Variants in KIF24 observed in about 807,000 individuals in gnomAD.
KIF24 encodes kinesin family member 24.
In KIF24, 81 loss-of-function variants were observed where a neutral mutation model predicts 118.9. The ratio of observed to expected loss-of-function variants is 0.68; its 90% CI spans 0.57 to 0.82. KIF24 has a LOEUF of 0.82. KIF24 is among the 40% of genes least tolerant of loss of function. KIF24 has a pLI of 0.00. For synonymous variants in KIF24, 599 were observed against 610.0 expected (o/e 0.98, Z 0.27); for missense variants, 1,560 against 1,661.6 (o/e 0.94, Z 1.06).
At chr9:34,308,787 G>T (rs1267973147) in intron 2 of KIF24, among the ~76,000 whole-genome samples, 3 of 151,988 alleles carry the variant, frequency 2.0e-5, no homozygotes, top group African/African-American at 7.2e-5. Flanking sequence ...TTTTTAAAAA[G>T]CTCTAGTTTG....
chr9:34,320,030 C>T (rs1280951285), intron 1 of KIF24, among the ~76,000 whole-genome samples: 8 of 152,136 alleles, frequency 5.3e-5, no homozygotes, highest in Admixed American at 1.3e-4. Context: ...CTTCTCCTGA[C>T]ACTAAACCAC....
intron 5 of KIF24, among the ~76,000 whole-genome samples, chr9:34,289,078 C>A (rs915111588): frequency 6.6e-6 from 1 of 152,006 alleles, no homozygotes; most frequent in Non-Finnish European, 1.5e-5. Flanking sequence ...AGAGTAGCAC[C>A]CTCTTTTATT....
Position 34,329,239 on chromosome 9 carries a change from A to C in KIF24, c.-159T>G, listed in dbSNP as rs1262886934. Reference sequence around the variant, plus strand: ...CCGGCGGCGGCCAGGCCGCATCTCCATGGCAACGCCGCCAAGCGCCAGTTC... The same window carrying C: ...CCGGCGGCGGCCAGGCCGCATCTCCCTGGCAACGCCGCCAAGCGCCAGTTC... On this transcript the variant is annotated 5_prime_UTR_variant, in exon 1 of 13. An upstream start codon of the reference 5' UTR is lost. Coordinates refer to ENST00000402558, the MANE Select transcript of KIF24 (RefSeq NM_194313.4). Among the ~76,000 whole-genome samples, 1 of 152,236 alleles carries C rather than the reference A, an allele frequency of 6.6e-6. No individual in the cohort carries two copies. The highest frequency in any genetic ancestry group is 2.4e-5 in the African/African-American group (1 of 41,466).
intron 1 of KIF24, 100 bp from the exon 2 acceptor site, chr9:34,311,471 C>G (rs181355712): frequency 1.1e-5 from 6 of 549,930 alleles, no homozygotes; most frequent in Non-Finnish European, 1.8e-5. Flanking sequence ...AACAAACATG[C>G]AAAAAATGTT....
At chr9:34,255,354 G>A (rs1205086917) in intron 11 of KIF24, among the ~76,000 whole-genome samples, 189 bp from the exon 12 acceptor site, 2 of 152,074 alleles carry the variant, frequency 1.3e-5, no homozygotes, top group Non-Finnish European at 2.9e-5. Flanking sequence ...AAGGAATTAC[G>A]GAGTACCAAC....
intron 2 of KIF24, among the ~76,000 whole-genome samples, chr9:34,308,359 C>T (rs1205813739): frequency 6.6e-6 from 1 of 151,606 alleles, no homozygotes; most frequent in Non-Finnish European, 1.5e-5. Flanking sequence ...TCTTGGCTCA[C>T]TGCAACCTCT....
intron 1 of KIF24, among the ~76,000 whole-genome samples, chr9:34,317,657 A>G (rs1350366350): frequency 6.6e-6 from 1 of 152,162 alleles, no homozygotes; most frequent in Non-Finnish European, 1.5e-5. Context: ...CAGCCTATCC[A>G]CACTGCATAA....
chr9:34,319,325 G>C (rs115219939), intron 1 of KIF24: 11 of 911,422 alleles, frequency 1.2e-5, no homozygotes, highest in Non-Finnish European at 1.8e-5. Flanking sequence ...TTGCCCAAGC[G>C]GGTGGTGGAA....
chr9:34,306,739 T>C (rs1441566780), intron 2 of KIF24, among the ~76,000 whole-genome samples: 1 of 152,024 alleles, frequency 6.6e-6, no homozygotes, highest in Non-Finnish European at 1.5e-5. Flanking sequence ...GAGGCAGAGC[T>C]TGCAGTGAGC....
chr9:34,314,311 G>A (rs193253698), intron 1 of KIF24, among the ~76,000 whole-genome samples: 3 of 152,078 alleles, frequency 2.0e-5, no homozygotes, highest in East Asian at 1.9e-4. Context: ...GTACAGGCGC[G>A]CGCCACCACG....
rs1010646327 is a variant in KIF24, at chr9:34,311,456, CACAAA to C, written c.-25-90_-25-86del. The C allele has an allele frequency of 1.8e-5, 12 of 650,674 alleles. No individual in the cohort carries two copies. In the African/African-American group the frequency reaches 2.2e-4, roughly 12 times the overall value. The allele number at this position is 650,674 out of a possible 1,614,324, so 40.3% of individuals were successfully genotyped here. Reference sequence around the variant, plus strand: ...TTTTAAAAATTGAAAACCACAAAACCACAAAACAAACATGCAAAAAATGTTTTATC... The same window carrying C: ...TTTTAAAAATTGAAAACCACAAAACCACAAACATGCAAAAAATGTTTTATC... On this transcript the variant is annotated intron_variant, in intron 1 of 12. Transcript: ENST00000402558.
In KIF24 at chr9:34,283,000, C is replaced by A. The variant is rs118161374; in HGVS notation, c.1215+3617G>T. Among the ~76,000 whole-genome samples the A allele has an allele frequency of 4.3e-3, 624 of 144,046 alleles. 5 individuals are homozygous for A. Among genetic ancestry groups the A allele is most frequent in the Non-Finnish European group, 6.6e-3 (442 of 66,972 alleles). The allele number at this position is 144,046 out of a possible 152,430, so 94.5% of individuals were successfully genotyped here. ...CTGGGAAGCAGAGGTTGCAGTGAAC[C>A]CAGATCGAGCCATTGCACTCCAGCG... On this transcript the variant is annotated intron_variant, in intron 6 of 12. Coordinates refer to ENST00000402558, the MANE Select transcript of KIF24 (RefSeq NM_194313.4).
intron 6 of KIF24, among the ~76,000 whole-genome samples, chr9:34,277,135 A>G (rs543089197): frequency 6.6e-6 from 1 of 152,336 alleles, no homozygotes; most frequent in South Asian, 2.1e-4. Flanking sequence ...GATAAAGAAG[A>G]GAATATATAT....
intron 1 of KIF24, among the ~76,000 whole-genome samples, chr9:34,313,602 A>G (rs759568796): frequency 6.6e-6 from 1 of 151,828 alleles, no homozygotes; most frequent in Admixed American, 6.6e-5. Flanking sequence ...GTGAGCCACC[A>G]TGCCCAGATT....
chr9:34,319,516 G>A (rs771109520), intron 1 of KIF24: 20 of 1,241,590 alleles, frequency 1.6e-5, no homozygotes, highest in Non-Finnish European at 2.1e-5. Context: ...ATCTATGGGA[G>A]CAAGGAGCTG....
At chr9:34,307,684 G>C (rs1836977454) in intron 2 of KIF24, among the ~76,000 whole-genome samples, 1 of 151,804 alleles carries the variant, frequency 6.6e-6, no homozygotes, top group African/African-American at 2.4e-5. Context: ...AGGCTGAGGC[G>C]GGCAGATCAC....
Position 34,265,538 on chromosome 9 carries a change from CCAAA to C in KIF24, c.1444-2370_1444-2367del, listed in dbSNP as rs564087906. Among the ~76,000 whole-genome samples the C allele has an allele frequency of 5.0e-4, 76 of 152,162 alleles. 1 individual carries two copies. The Middle Eastern group carries it at 0.01, about 20-fold the overall frequency. ...AATAAGGCAATTCGTAAAACCAAAA[CCAAA>C]CAAATGAACCTAACACTATGAAATT... On this transcript the variant is annotated intron_variant, in intron 8 of 12. Coordinates refer to ENST00000402558, the MANE Select transcript of KIF24 (RefSeq NM_194313.4).
At chr9:34,284,868 C>T (rs540746302) in intron 6 of KIF24, among the ~76,000 whole-genome samples, 33 of 151,978 alleles carry the variant, frequency 2.2e-4, no homozygotes, top group South Asian at 1.5e-3. Context: ...CTGTATAGTG[C>T]TATTTTTCAC....
In KIF24 at chr9:34,257,296, A is replaced by G; in HGVS notation, c.2311T>C (p.Phe771Leu). The change falls in exon 11 of 13, where the codon TTC becomes CTC. Residue 771 changes from phenylalanine (F) to leucine (L), a missense_variant. Physicochemically the swap from Phe to Leu is conservative, Grantham distance 22. Coordinates refer to ENST00000402558, the MANE Select transcript of KIF24 (RefSeq NM_194313.4). The stretch of plus-strand genomic sequence containing the variant: ...TGTTGGAGGAGAGGTGGCTGTTGGA[A>G]CTGCTGGTGATAGAAACGCAGATGT... ...EEHLRFYHQQ[F>L]QQPPLLQQKL... 1 of 1,613,956 alleles carries G rather than the reference A, an allele frequency of 6.2e-7. No homozygotes were observed. The highest frequency in any genetic ancestry group is 8.5e-7 in the Non-Finnish European group (1 of 1,179,884).
Sources: allele counts gnomAD v4.1 joint callset (sites outside exome capture counted in the v4.1 genomes callset), GRCh38; gene constraint gnomAD v4.1.1; transcripts MANE v1.5; gene names NCBI Gene and HGNC (gene_info 2026-07-23, HGNC 2026-07-21).